The following PAK3 variants were observed in gnomAD, a reference collection of about 807,000 sequenced individuals.
PAK3 encodes p21 (RAC1) activated kinase 3, also known as serine/threonine-protein kinase PAK 3.
PAK3 carries 4 observed loss-of-function variants against 41.0 expected under a neutral mutation model. The observed-to-expected ratio is 0.10, with a 90% CI of 0.05 to 0.22. The LOEUF (loss-of-function observed/expected upper bound fraction) is 0.22. Among genes scored for constraint, PAK3 ranks in the 10% least tolerant of loss-of-function variants. The probability of loss-of-function intolerance (pLI) is 1.00; values close to 1 mark genes in which losing one functional copy is unlikely to be tolerated. For synonymous variants in PAK3, 146 were observed against 139.6 expected, an observed-to-expected ratio of 1.05 and a Z score of -0.32; for missense variants, 205 against 409.9, an observed-to-expected ratio of 0.50 and a Z score of 4.32.
Position 111,219,190 on chromosome X carries a change from AAATAATAATAAT to A in PAK3, c.1546-1132_1546-1121del, listed in dbSNP as rs3062744. Among the ~76,000 whole-genome samples the A allele has an allele frequency of 9.4e-3, 793 of 84,390 alleles. 12 individuals carry two copies. Among genetic ancestry groups the A allele is most frequent in the African/African-American group, 0.028 (680 of 23,931 alleles). The allele number at this position is 84,390 out of a possible 115,157, so 73.3% of individuals were successfully genotyped here. On this transcript the variant is annotated intron_variant, in intron 17 of 17. Transcript: ENST00000372007. Reference sequence around the variant, plus strand: ...GGGCAACAGAGCAAGAGTCCATCTCAAATAATAATAATAATAATAATAATAATAATAATAATA... The same window carrying A: ...GGGCAACAGAGCAAGAGTCCATCTCAAATAATAATAATAATAATAATAATA...
intron 1 of PAK3, among the ~76,000 whole-genome samples, chrX:111,050,888 T>C (rs2092551273): frequency 8.9e-6 from 1 of 112,172 alleles, no homozygotes; most frequent in Non-Finnish European, 1.9e-5. Context: ...TTGTCGTGTG[T>C]CTGTGTCTAT....
chrX:111,008,351 C>T (rs1223129938), intron 1 of PAK3, among the ~76,000 whole-genome samples: 1 of 112,563 alleles, frequency 8.9e-6, no homozygotes, highest in Non-Finnish European at 1.9e-5. Flanking sequence ...CATGAAATAT[C>T]ATAATTGTTG....
At chrX:111,178,499 G>A (rs781173367) in intron 11 of PAK3, among the ~76,000 whole-genome samples, 28 of 111,696 alleles carry the variant, frequency 2.5e-4, no homozygotes, top group African/African-American at 7.1e-4. Context: ...CAGAATGCAC[G>A]TATCTCATAA....
At chrX:110,987,577 T>G (rs768258103) in intron 1 of PAK3, among the ~76,000 whole-genome samples, 5 of 112,105 alleles carry the variant, frequency 4.5e-5, no homozygotes, top group African/African-American at 1.6e-4. Flanking sequence ...GGTCTCTGTT[T>G]TTTCATTTAA....
rs759074893 is a variant in PAK3 at position 111,069,874 on chromosome X, C to T, written c.-27-53203C>T. Among the ~76,000 whole-genome samples, 10 of 111,445 alleles carry T rather than the reference C, an allele frequency of 9.0e-5. 1 individual carries two copies. In the South Asian group the frequency reaches 3.8e-3, roughly 43 times the overall value. Reference sequence around the variant, plus strand: ...TTAATGTTCTTACTTCCTTGACGACCCTTAATTGGGGTCTTTTGCAGACTG... The same window carrying T: ...TTAATGTTCTTACTTCCTTGACGACTCTTAATTGGGGTCTTTTGCAGACTG... On this transcript the variant is annotated intron_variant, in intron 1 of 14. Transcript: ENST00000425146.
At chrX:111,127,902 T>C (rs1178848994) in intron 5 of PAK3, among the ~76,000 whole-genome samples, 2 of 111,971 alleles carry the variant, frequency 1.8e-5, no homozygotes, top group African/African-American at 3.2e-5. Context: ...CTGACATCCA[T>C]CTTGGAACAT....
intron 1 of PAK3, among the ~76,000 whole-genome samples, chrX:111,041,766 C>T (rs2092454763): frequency 9.0e-6 from 1 of 110,944 alleles, no homozygotes; most frequent in Non-Finnish European, 1.9e-5. Context: ...CCTTCAAGAC[C>T]TGTCTTAAGC....
chrX:111,089,725 T>C (rs1433604718), intron 1 of PAK3, among the ~76,000 whole-genome samples: 1 of 109,444 alleles, frequency 9.1e-6, no homozygotes, highest in Non-Finnish European at 1.9e-5. Context: ...AAGGAAGGAG[T>C]GGTGGGAAAA....
chrX:110,982,227 T>C (rs1467407222), intron 1 of PAK3, among the ~76,000 whole-genome samples: 1 of 111,650 alleles, frequency 9.0e-6, no homozygotes, highest in Non-Finnish European at 1.9e-5. Flanking sequence ...AGAAAGAGGC[T>C]GAAAATAGAA....
intron 16 of PAK3, among the ~76,000 whole-genome samples, chrX:111,211,546 G>A (rs1415387551): frequency 9.2e-6 from 1 of 108,576 alleles, no homozygotes; most frequent in African/African-American, 3.4e-5. Flanking sequence ...CATGGTGGTG[G>A]GCGCCTGTAA....
intron 1 of PAK3, among the ~76,000 whole-genome samples, chrX:111,090,678 T>G (rs2092923260): frequency 9.0e-6 from 1 of 111,484 alleles, no homozygotes; most frequent in Admixed American, 9.5e-5. Flanking sequence ...CTCCGGCAAA[T>G]AATCAGCCTT....
Position 111,088,854 on chromosome X carries a change from T to G in PAK3, c.-27-34223T>G, listed in dbSNP as rs769347644. ...GGGAGAAAGTGTTTTCTATTAACTT[T>G]GCAGCTGGCTTTATCTGTCCATTCT... On this transcript the variant is annotated intron_variant, in intron 1 of 14. Coordinates refer to the PAK3 transcript ENST00000425146. Among the ~76,000 whole-genome samples, 134 of 112,040 alleles carry G rather than the reference T, an allele frequency of 1.2e-3. 1 individual carries two copies. The highest frequency in any genetic ancestry group is 4.2e-3 in the African/African-American group (130 of 30,876).
intron 1 of PAK3, among the ~76,000 whole-genome samples, chrX:111,066,906 A>G (rs2092705987): frequency 1.8e-5 from 2 of 111,710 alleles, no homozygotes; most frequent in Non-Finnish European, 1.9e-5. Flanking sequence ...CATACGTAAT[A>G]TTTTTAAGTT....
At chrX:111,159,544 T>C (rs959343998) in intron 8 of PAK3, among the ~76,000 whole-genome samples, 5 of 111,623 alleles carry the variant, frequency 4.5e-5, no homozygotes, top group African/African-American at 1.6e-4. Flanking sequence ...TGAACCCAGC[T>C]GGTGTAAGAT....
At chrX:111,105,369 C>T (rs2093236409) in intron 4 of PAK3, among the ~76,000 whole-genome samples, 1 of 111,397 alleles carries the variant, frequency 9.0e-6, no homozygotes, top group African/African-American at 3.3e-5. Flanking sequence ...GTCATACATA[C>T]TCTATACACA....
chrX:111,221,539 C>T lies in PAK3; in HGVS notation c.*1092C>T, dbSNP rs1384683617. 3 of 111,833 alleles carry T rather than the reference C, an allele frequency of 2.7e-5. No homozygotes were observed. Among genetic ancestry groups the T allele is most frequent in the Non-Finnish European group, 5.7e-5 (3 of 53,095 alleles). The allele number at this position is 111,833 out of a possible 1,213,427, so 9.2% of individuals were successfully genotyped here. On this transcript the variant is annotated 3_prime_UTR_variant, in exon 18 of 18. Transcript: ENST00000372007. ...ACATATGCACTGTAAAATAGGCATA[C>T]CAGGAGGAAATAGATACATTAATCA...
In PAK3 at chrX:111,195,930, C is replaced by A; in HGVS notation, c.1199C>A (p.Ser400Tyr). Residue 400 changes from serine (S) to tyrosine (Y), a missense_variant, in exon 15 of 18, where the codon TCT becomes TAT. By Grantham distance (144) the Ser-to-Tyr change is moderately radical (BLOSUM62 -2). This residue lies in a region of PAK3 where 42 missense variants were observed against 152.7 expected (regional missense o/e 0.28). Transcript: ENST00000372007. Reference protein sequence around the residue: ...SDNILLGMDGSVKLTDFGFCA... With the variant: ...SDNILLGMDGYVKLTDFGFCA... ...AATATTCTTCTCGGGATGGATGGCT[C>A]TGTTAAATTGAGTAGGTATTTTGGT... 1.8e-6 allele frequency: 2 copies of A among 1,102,040 alleles called. No individual in the cohort carries two copies. Among genetic ancestry groups the A allele is most frequent in the Non-Finnish European group, 2.5e-6 (2 of 795,834 alleles). The allele number at this position is 1,102,040 out of a possible 1,213,427, so 90.8% of individuals were successfully genotyped here. A position where few individuals can be genotyped will look rare whatever the true frequency, so the allele number is the denominator to read the frequency against.
chrX:111,209,291 C>A (rs764975142), intron 16 of PAK3, among the ~76,000 whole-genome samples: 10 of 111,783 alleles, frequency 8.9e-5, no homozygotes, highest in African/African-American at 3.2e-4. Context: ...TGGGCAAGTT[C>A]TTCTTATCTC....
rs191323257 is a variant in PAK3 at position 110,984,777 on chromosome X, C to T, written c.-28+40149C>T. On this transcript the variant is annotated intron_variant, in intron 1 of 14. Transcript: ENST00000425146. ...AGATAGTGGCAGCCTTACGCCCCCCCGCCCCCGCCAAATCTCAACTCCAAC... is the reference window on the plus strand; with the variant it reads ...AGATAGTGGCAGCCTTACGCCCCCCTGCCCCCGCCAAATCTCAACTCCAAC... Among the ~76,000 whole-genome samples, 260 of 110,785 alleles carry T rather than the reference C, an allele frequency of 2.3e-3. 1 individual carries two copies. Among genetic ancestry groups the T allele is most frequent in the African/African-American group, 7.9e-3 (240 of 30,438 alleles).
Sources: gnomAD v4.1 joint callset for allele counts (sites outside exome capture counted in the v4.1 genomes callset) on GRCh38, gnomAD v4.1.1 for gene constraint, gnomAD v4.1.1 regional missense constraint, MANE v1.5 for transcripts, NCBI Gene and HGNC (gene_info 2026-07-23, HGNC 2026-07-21) for gene names.